ARL15: variants seen among roughly 807,000 people sequenced by gnomAD.
ARL15 encodes ARF like GTPase 15.
In ARL15, 19 loss-of-function variants were observed where a neutral mutation model predicts 25.2. The observed-to-expected ratio is 0.75, with a 90% CI of 0.53 to 1.10. The LOEUF is 1.10. Ranked by LOEUF, ARL15 falls within the 50% of genes least tolerant of loss-of-function variation. ARL15 has a pLI of 0.00. For synonymous variants in ARL15, 94 were observed against 86.8 expected, an observed-to-expected ratio of 1.08 and a Z score of -0.46; for missense variants, 220 against 246.0, an observed-to-expected ratio of 0.89 and a Z score of 0.71.
At chr5:54,294,085 G>C (rs574049994) in intron 1 of ARL15, among the ~76,000 whole-genome samples, 106 of 152,266 alleles carry the variant, frequency 7.0e-4, no homozygotes, top group Non-Finnish European at 1.2e-3. Context: ...AAACTGTCTT[G>C]CTCTTCTTTA....
chr5:53,929,116 T>C (rs1329251000), intron 4 of ARL15, among the ~76,000 whole-genome samples: 1 of 150,654 alleles, frequency 6.6e-6, no homozygotes, highest in African/African-American at 2.4e-5. Context: ...GTCTCACTTA[T>C]CAAGGCCATC....
intron 4 of ARL15, among the ~76,000 whole-genome samples, chr5:53,898,891 C>T (rs1229735950): frequency 6.6e-6 from 1 of 152,036 alleles, no homozygotes; most frequent in African/African-American, 2.4e-5. Context: ...TGGGCTCAAG[C>T]AATCCTCCTC....
chr5:54,157,912 A>G (rs1350991481), intron 2 of ARL15, among the ~76,000 whole-genome samples: 1 of 152,208 alleles, frequency 6.6e-6, no homozygotes, highest in Non-Finnish European at 1.5e-5. Flanking sequence ...ATTAGTCCAG[A>G]AAATAAGAAA....
intron 3 of ARL15, among the ~76,000 whole-genome samples, chr5:54,141,738 A>G (rs1224095701): frequency 2.6e-5 from 4 of 152,080 alleles, no homozygotes; most frequent in Admixed American, 2.6e-4. Context: ...CCAGGCAATC[A>G]CTGGTCTTTC....
At chr5:53,894,765 C>T (rs566441120) in intron 4 of ARL15, among the ~76,000 whole-genome samples, 4 of 152,242 alleles carry the variant, frequency 2.6e-5, no homozygotes, top group African/African-American at 9.6e-5. Context: ...CCTCCATCCA[C>T]AGGTGGGAAG....
chr5:54,052,772 G>C (rs541837247), intron 4 of ARL15, among the ~76,000 whole-genome samples: 338 of 152,108 alleles, frequency 2.2e-3, no homozygotes, highest in South Asian at 3.9e-3. Flanking sequence ...TGCACACACA[G>C]AGTTCGCTCT....
chr5:54,182,445 G>A (rs2112432827), intron 1 of ARL15, among the ~76,000 whole-genome samples: 1 of 151,128 alleles, frequency 6.6e-6, no homozygotes, highest in East Asian at 1.9e-4. Flanking sequence ...GTTTGTCAAA[G>A]ATCAGATAGT....
intron 4 of ARL15, among the ~76,000 whole-genome samples, chr5:54,061,160 G>C (rs1751050721): frequency 6.6e-6 from 1 of 152,204 alleles, no homozygotes; most frequent in Admixed American, 6.5e-5. Flanking sequence ...CTCCAGCTGT[G>C]TGCAGCCTAG....
chr5:54,307,507 C>G (rs968039713), intron 1 of ARL15, among the ~76,000 whole-genome samples: 1 of 152,152 alleles, frequency 6.6e-6, no homozygotes, highest in African/African-American at 2.4e-5. Flanking sequence ...CAATAAAACC[C>G]TGTCTTAAAT....
At chr5:54,214,542 AC>A (rs1413690499) in intron 1 of ARL15, among the ~76,000 whole-genome samples, 3 of 152,132 alleles carry the variant, frequency 2.0e-5, no homozygotes, top group African/African-American at 7.2e-5. Context: ...ATAGGAAAAC[AC>A]ATTTTCCGAC....
chr5:53,889,350 G>T (rs1251776434), intron 4 of ARL15, among the ~76,000 whole-genome samples: 1 of 152,168 alleles, frequency 6.6e-6, no homozygotes, highest in Admixed American at 6.5e-5. Flanking sequence ...GTTAAAGGTT[G>T]GTTTCTAGGC....
intron 1 of ARL15, among the ~76,000 whole-genome samples, chr5:54,284,057 G>A (rs1758127595): frequency 6.6e-6 from 1 of 152,184 alleles, no homozygotes; most frequent in Non-Finnish European, 1.5e-5. Context: ...CAGCAGAGTT[G>A]CCATTCCCTC....
rs952889006 is a variant in ARL15, at chr5:53,884,057, A to G, written c.*2504T>C. The G allele has an allele frequency of 6.6e-6, 1 of 152,184 alleles. No individual in the cohort carries two copies. Among genetic ancestry groups the G allele is most frequent in the Admixed American group, 6.5e-5 (1 of 15,278 alleles). The allele number at this position is 152,184 out of a possible 1,614,324, so 9.4% of individuals were successfully genotyped here. A position where few individuals can be genotyped will look rare whatever the true frequency, so the allele number is the denominator to read the frequency against. On this transcript the variant is annotated 3_prime_UTR_variant, in exon 5 of 5. Transcript: ENST00000504924. ...CACATGAATCTGTTAGCCTCTAAGT[A>G]CAGGTACAGTATTTTTTTAATAGAA... is the stretch of plus-strand genomic sequence containing the variant.
At chr5:53,982,966 CT>C in intron 4 of ARL15, among the ~76,000 whole-genome samples, 1 of 152,178 alleles carries the variant, frequency 6.6e-6, no homozygotes, top group East Asian at 1.9e-4. Flanking sequence ...TGTTTGTTGG[CT>C]GCATAAATGT....
intron 4 of ARL15, among the ~76,000 whole-genome samples, chr5:53,925,639 A>G (rs1041241431): frequency 5.9e-5 from 9 of 152,054 alleles, no homozygotes; most frequent in African/African-American, 2.2e-4. Flanking sequence ...ACTCATCTGT[A>G]TTATATATAT....
At position 53,977,506 on chromosome 5, in the gene ARL15, G is replaced by GT. The variant is rs1365542088; in HGVS notation, c.463-90794dup. Among the ~76,000 whole-genome samples, 4 of 152,164 alleles carry GT rather than the reference G, an allele frequency of 2.6e-5. No homozygotes were observed. The East Asian group carries it at 7.7e-4, about 29-fold the overall frequency. ...TTCTTAGATGATTCCTGTTTAATCT[G>GT]TAAGTGTTCCCATCAAATCTGTGTC... On this transcript the variant is annotated intron_variant, in intron 4 of 4. Coordinates refer to ENST00000504924, the MANE Select transcript of ARL15 (RefSeq NM_019087.3).
intron 4 of ARL15, among the ~76,000 whole-genome samples, chr5:54,078,479 T>C (rs1271923270): frequency 6.6e-6 from 1 of 152,196 alleles, no homozygotes; most frequent in African/African-American, 2.4e-5. Context: ...GGGGTAAATT[T>C]TATTTTAAAT....
rs181091557 is a variant in ARL15 at position 54,074,203 on chromosome 5, G to A, written c.462+38999C>T. Among the ~76,000 whole-genome samples the A allele has an allele frequency of 1.4e-4, 22 of 152,282 alleles. 1 individual carries two copies. The highest frequency in any genetic ancestry group is 1.3e-3 in the Admixed American group (20 of 15,304). ...AAATCCTGTGTCTCTAAATCATACA[G>A]ATTGGTATTCAAACACCAGGTCCAC... On this transcript the variant is annotated intron_variant, in intron 4 of 4. Transcript: ENST00000504924.
At chr5:53,923,461 A>C (rs759746143) in intron 4 of ARL15, among the ~76,000 whole-genome samples, 2 of 152,156 alleles carry the variant, frequency 1.3e-5, no homozygotes, top group Non-Finnish European at 2.9e-5. Context: ...TGAATTATAC[A>C]TCCTGTATAA....
Sources: gnomAD v4.1 joint callset for allele counts (sites outside exome capture counted in the v4.1 genomes callset) on GRCh38, gnomAD v4.1.1 for gene constraint, MANE v1.5 for transcripts, NCBI Gene and HGNC (gene_info 2026-07-23, HGNC 2026-07-21) for gene names.